FOXN1: variants seen among roughly 807,000 people sequenced by gnomAD.
The protein encoded by FOXN1 is forkhead box N1.
In FOXN1, 15 loss-of-function variants were observed where a neutral mutation model predicts 49.0. The observed-to-expected ratio is 0.31, with a 90% confidence interval of 0.20 to 0.47. The LOEUF (loss-of-function observed/expected upper bound fraction) is 0.47, where lower values mean the gene tolerates loss of function less well. Among genes scored for constraint, FOXN1 ranks in the 20% least tolerant of loss-of-function variants. The pLI is 1.00. For synonymous variants in FOXN1, 356 were observed against 369.0 expected, an observed-to-expected ratio of 0.96 and a Z score of 0.40; for missense variants, 800 against 842.8, an observed-to-expected ratio of 0.95 and a Z score of 0.63.
chr17:28,529,319 G>T, intron 5 of FOXN1, 95 bp downstream of exon 5: 1 of 1,468,766 alleles, frequency 6.8e-7, no homozygotes. Flanking sequence ...TACCAGTAAT[G>T]GCAGCAGGTG....
rs555037603 is a variant in FOXN1 at position 28,527,190 on chromosome 17, A to G, written c.589-61A>G. The G allele has an allele frequency of 3.0e-4, 348 of 1,141,156 alleles. No homozygotes were observed. The African/African-American group carries it at 4.6e-3, about 15-fold the overall frequency. The allele number at this position is 1,141,156 out of a possible 1,614,324, so 70.7% of individuals were successfully genotyped here. On this transcript the variant is annotated intron_variant, in intron 3 of 8. Transcript: ENST00000579795. ...GTTGCTTTTATGTAAGGTTCAAGAC[A>G]CAGGAAAGAGGAAGGGAGAAAATAA...
chr17:28,512,733 T>G (rs536722616), intron 1 of FOXN1, among the ~76,000 whole-genome samples: 7 of 152,334 alleles, frequency 4.6e-5, no homozygotes, highest in African/African-American at 1.7e-4. Flanking sequence ...TGACCTTGCT[T>G]CTGGGAGCAA....
rs189463160 is a variant in FOXN1 at position 28,538,649 on chromosome 17, G to A, written c.*1213G>A. ...GGAAGCACCCATGCAAAGCACCCCC[G>A]CTTTGACTGCTTGGCAGACCTAGGG... is the stretch of plus-strand genomic sequence containing the variant. On this transcript the variant is annotated 3_prime_UTR_variant, in exon 9 of 9. Transcript: ENST00000579795. 1.2e-4 allele frequency: 19 copies of A among 152,284 alleles called. No individual in the cohort carries two copies. The highest frequency in any genetic ancestry group is 7.2e-4 in the Admixed American group (11 of 15,304). 9.4% of individuals were successfully genotyped at this position (152,284 alleles called of 1,614,324 possible).
Position 28,526,792 on chromosome 17 carries a change from G to C in FOXN1, c.589-459G>C, listed in dbSNP as rs190135385. ...CCCAGGCCCACAGCTGGACCAGCCT[G>C]TCTGGCCACTACCCATGCTCCCCTC... On this transcript the variant is annotated intron_variant, in intron 3 of 8. Transcript: ENST00000579795. 3.8e-4 allele frequency among the ~76,000 whole-genome samples: 58 copies of C among 152,320 alleles called. No homozygotes were observed. The East Asian group carries it at 0.011, about 28-fold the overall frequency.
At chr17:28,516,609 C>A (rs1198803961) in intron 1 of FOXN1, among the ~76,000 whole-genome samples, 1 of 149,980 alleles carries the variant, frequency 6.7e-6, no homozygotes, top group African/African-American at 2.5e-5. Context: ...GGGTACACAC[C>A]TCCGCAGGAT....
intron 5 of FOXN1, among the ~76,000 whole-genome samples, chr17:28,529,877 G>T (rs2069866552): frequency 6.6e-6 from 1 of 152,182 alleles, no homozygotes; most frequent in Admixed American, 6.5e-5. Context: ...TTTGTGAAAG[G>T]CAGGATCATT....
At chr17:28,530,718 T>A (rs945851109) in intron 5 of FOXN1, 31 bp from the exon 6 acceptor site, 8 of 1,314,612 alleles carry the variant, frequency 6.1e-6, no homozygotes, top group Non-Finnish European at 8.8e-6. Flanking sequence ...AGTCAGAGGT[T>A]CGGACTCTCA....
At chr17:28,526,352 C>G (rs1048970219) in intron 3 of FOXN1, among the ~76,000 whole-genome samples, 1 of 152,250 alleles carries the variant, frequency 6.6e-6, no homozygotes, top group African/African-American at 2.4e-5. Context: ...AGAGAGGTCA[C>G]AGCTGATTTG....
At chr17:28,531,382 G>T (rs2069910541) in intron 6 of FOXN1, among the ~76,000 whole-genome samples, 1 of 152,076 alleles carries the variant, frequency 6.6e-6, no homozygotes, top group African/African-American at 2.4e-5. Flanking sequence ...TCCCAGGCTG[G>T]CTCACCTGAC....
intron 1 of FOXN1, among the ~76,000 whole-genome samples, chr17:28,508,251 C>T (rs1055001179): frequency 1.3e-5 from 2 of 152,162 alleles, no homozygotes; most frequent in African/African-American, 4.8e-5. Context: ...GGCTTAGGAC[C>T]CCTCCCTGCT....
At position 28,538,387 on chromosome 17, in the gene FOXN1, G is replaced by A. The variant is rs1215655373; in HGVS notation, c.*951G>A. The A allele has an allele frequency of 6.6e-6, 1 of 152,200 alleles. No individual in the cohort carries two copies. Among genetic ancestry groups the A allele is most frequent in the Non-Finnish European group, 1.5e-5 (1 of 68,040 alleles). The allele number at this position is 152,200 out of a possible 1,614,324, so 9.4% of individuals were successfully genotyped here. On this transcript the variant is annotated 3_prime_UTR_variant, in exon 9 of 9. Coordinates refer to ENST00000579795, the MANE Select transcript of FOXN1 (RefSeq NM_001369369.1). ...TACACTTTTTCAACTTTAAGATGGTGCAAAAGCAATACACATTCAGTATGT... is the reference window on the plus strand; with the variant it reads ...TACACTTTTTCAACTTTAAGATGGTACAAAAGCAATACACATTCAGTATGT...
In FOXN1 at chr17:28,529,189, C is replaced by T. The variant is rs2069847140; in HGVS notation, c.795C>T (p.His265=). ...CACCCCAGGCCAGCACCGATGGGCACCAGCCTCTCTTCCCAAAACCCATCT... is the reference window on the plus strand; with the variant it reads ...CACCCCAGGCCAGCACCGATGGGCATCAGCCTCTCTTCCCAAAACCCATCT... The part of the protein sequence containing the change: ...RMAPQASTDG[H]QPLFPKPIYS... The change falls in exon 5 of 9, where the codon CAC becomes CAT. Residue 265 remains histidine (H), a synonymous_variant. Transcript: ENST00000579795. 6.2e-7 allele frequency: 1 copy of T among 1,614,064 alleles called. No individual in the cohort carries two copies. Among genetic ancestry groups the T allele is most frequent in the South Asian group, 1.1e-5 (1 of 91,088 alleles).
Position 28,524,212 on chromosome 17 carries a change from C to T in FOXN1, c.123+120C>T, listed in dbSNP as rs1597550409. On this transcript the variant is annotated intron_variant, in intron 2 of 8. Coordinates refer to ENST00000579795, the MANE Select transcript of FOXN1 (RefSeq NM_001369369.1). Reference sequence around the variant, plus strand: ...CCAGGGCCTGTCTTGTCCCCTCCACCAGCAAACAAGTCCTCAGGGACCCCG... The same window carrying T: ...CCAGGGCCTGTCTTGTCCCCTCCACTAGCAAACAAGTCCTCAGGGACCCCG... The T allele has an allele frequency of 4.7e-6, 5 of 1,068,072 alleles. No individual in the cohort carries two copies. The East Asian group carries it at 1.3e-4, about 28-fold the overall frequency. 66.2% of individuals were successfully genotyped at this position (1,068,072 alleles called of 1,614,324 possible).
Position 28,534,894 on chromosome 17 carries a change from C to T in FOXN1, c.1323C>T (p.Asp441=), listed in dbSNP as rs756499625. Residue 441 remains aspartate, a synonymous_variant, in exon 8 of 9, where the codon GAC becomes GAT. Coordinates refer to ENST00000579795, the MANE Select transcript of FOXN1 (RefSeq NM_001369369.1). This position sits in a 1 kb window ranked among gnomAD's most constrained non-coding sequence, Gnocchi z 4.1. ...GPIPGKNPLQ[D]LLMGHTPSCY... ...TTCCTGGCAAGAACCCCCTGCAGGACCTACTTATGGGGCACACACCCTCCT... is the reference window on the plus strand; with the variant it reads ...TTCCTGGCAAGAACCCCCTGCAGGATCTACTTATGGGGCACACACCCTCCT... 6.2e-7 allele frequency: 1 copy of T among 1,614,056 alleles called. No homozygotes were observed. The highest frequency in any genetic ancestry group is 8.5e-7 in the Non-Finnish European group (1 of 1,179,914).
At chr17:28,521,504 G>A (rs1002677006) in intron 1 of FOXN1, among the ~76,000 whole-genome samples, 13 of 152,342 alleles carry the variant, frequency 8.5e-5, no homozygotes, top group Middle Eastern at 3.4e-3. Flanking sequence ...GATGCGGAGC[G>A]GGAGGTGGGC....
chr17:28,537,461 A>C lies in FOXN1; in HGVS notation c.*25A>C. On this transcript the variant is annotated 3_prime_UTR_variant, in exon 9 of 9. Coordinates refer to ENST00000579795, the MANE Select transcript of FOXN1 (RefSeq NM_001369369.1). ...AGCTGTGCCCAGCTTCGTCAGCTCC[A>C]GCGTTTGCCTGGTCTGGAAGTCCTG... is the stretch of plus-strand genomic sequence containing the variant. The C allele has an allele frequency of 1.3e-6, 2 of 1,586,360 alleles. No homozygotes were observed. The highest frequency in any genetic ancestry group is 1.7e-6 in the Non-Finnish European group (2 of 1,155,616).
chr17:28,533,155 G>A (rs1276183427), intron 6 of FOXN1, among the ~76,000 whole-genome samples: 1 of 152,246 alleles, frequency 6.6e-6, no homozygotes, highest in Admixed American at 6.5e-5. Flanking sequence ...CTGCTCCCTG[G>A]GGCAAGTGAG....
intron 1 of FOXN1, among the ~76,000 whole-genome samples, chr17:28,520,046 T>G (rs1420600899): frequency 5.3e-5 from 8 of 152,212 alleles, no homozygotes; most frequent in Admixed American, 5.2e-4. Flanking sequence ...AAGCAATATT[T>G]TATTAATCCT....
Position 28,534,671 on chromosome 17 carries a change from G to A in FOXN1, c.1136-36G>A, listed in dbSNP as rs765284877. ...TCTGGGGAAGACTGTGGAGGAGGGAGGTCTCATGGTGTTCTTTCTCTCTTG... is the reference window on the plus strand; with the variant it reads ...TCTGGGGAAGACTGTGGAGGAGGGAAGTCTCATGGTGTTCTTTCTCTCTTG... On this transcript the variant is annotated intron_variant, in intron 7 of 8. Coordinates refer to ENST00000579795, the MANE Select transcript of FOXN1 (RefSeq NM_001369369.1). The surrounding 1 kb of genome is among the most constrained non-coding windows in gnomAD (Gnocchi z 4.1). 1.9e-6 allele frequency: 3 copies of A among 1,612,774 alleles called. No homozygotes were observed. Among genetic ancestry groups the A allele is most frequent in the African/African-American group, 2.7e-5 (2 of 74,914 alleles).
Sources: allele counts gnomAD v4.1 joint callset (sites outside exome capture counted in the v4.1 genomes callset), GRCh38; gene constraint gnomAD v4.1.1; non-coding constraint Gnocchi (gnomAD v3.1); transcripts MANE v1.5; gene names NCBI Gene and HGNC (gene_info 2026-07-23, HGNC 2026-07-21).